Variants in RNF112 observed in about 807,000 individuals in gnomAD.
RNF112 encodes brain finger protein.
A neutral mutation model predicts 64.7 loss-of-function variants in RNF112; 34 were observed. That is an observed-to-expected ratio of 0.53 (90% confidence interval 0.40 to 0.70). The LOEUF is 0.70. Among genes scored for constraint, RNF112 ranks in the 30% least tolerant of loss-of-function variants. The pLI, the probability that RNF112 is intolerant of heterozygous loss-of-function variation, is 0.00. For synonymous variants in RNF112, 345 were observed against 344.5 expected (o/e 1.00, Z -0.02); for missense variants, 734 against 850.0 (o/e 0.86, Z 1.70).
rs1413376746 is a variant in RNF112, at chr17:19,415,133, T to C, written c.1222T>C (p.Trp408Arg). 2 of 1,609,496 alleles carry C rather than the reference T, an allele frequency of 1.2e-6. 1 individual carries two copies. The highest frequency in any genetic ancestry group is 2.2e-5 in the South Asian group (2 of 90,758). The change falls in exon 11 of 14, where the codon TGG (tryptophan) becomes CGG (arginine). Residue 408 changes from tryptophan (W) to arginine (R), a missense_variant. Transcript: ENST00000461366. The surrounding 1 kb of genome is among the most constrained non-coding windows in gnomAD (Gnocchi z 7.8). The part of the protein sequence containing the change: ...QHAKSRCQGY[W>R]NEGRAVARGD... ...CGCTAAGAGCCGCTGCCAGGGGTAC[T>C]GGAACGAGGGGCGCGCCGTGGCCAG...
Position 19,415,611 on chromosome 17 carries a change from C to A in RNF112, c.1425+19C>A, listed in dbSNP as rs772474670. On this transcript the variant is annotated intron_variant, in intron 13 of 13. Coordinates refer to ENST00000461366, the MANE Select transcript of RNF112 (RefSeq NM_007148.5). The surrounding 1 kb of genome is among the most constrained non-coding windows in gnomAD (Gnocchi z 7.8). ...GCAGCAGGTGAGCCCCGGGGCTGCA[C>A]GGGAGGCAGGTGTGGGCCGGGCAGG... 32 of 1,610,002 alleles carry A rather than the reference C, an allele frequency of 2.0e-5. No individual in the cohort carries two copies. In the East Asian group the frequency reaches 6.9e-4, roughly 35 times the overall value.
chr17:19,414,957 A>G (rs1913814645), intron 10 of RNF112, 70 bp downstream of exon 10: 1 of 1,592,994 alleles, frequency 6.3e-7, no homozygotes, highest in South Asian at 1.1e-5. Context: ...GAGCCCCTTG[A>G]AGCACCCACC....
At chr17:19,414,173 C>T in intron 7 of RNF112, 28 bp downstream of exon 7, 4 of 1,573,218 alleles carry the variant, frequency 2.5e-6, no homozygotes, top group Non-Finnish European at 3.5e-6. Flanking sequence ...GTTGGGGCAT[C>T]CCCCACCCCC....
rs1396750974 is a variant in RNF112, at chr17:19,412,183, A to G, written c.96-315A>G. ...AAATTGAGGCCCAGAGAGGGGAAGG[A>G]ACTTGCTTGCATTTGCATGGCTGGG... On this transcript the variant is annotated intron_variant, in intron 2 of 13. Coordinates refer to ENST00000461366, the MANE Select transcript of RNF112 (RefSeq NM_007148.5). This position sits in a 1 kb window ranked among gnomAD's most constrained non-coding sequence, Gnocchi z 5.1. Among the ~76,000 whole-genome samples the G allele has an allele frequency of 6.6e-6, 1 of 152,134 alleles. No individual in the cohort carries two copies. Among genetic ancestry groups the G allele is most frequent in the Non-Finnish European group, 1.5e-5 (1 of 68,020 alleles).
rs1177153964 is a variant in RNF112, at chr17:19,417,067, G to A, written c.*892G>A. The A allele has an allele frequency of 6.6e-6, 1 of 151,954 alleles. No individual in the cohort carries two copies. The highest frequency in any genetic ancestry group is 6.6e-5 in the Admixed American group (1 of 15,228). 9.4% of individuals were successfully genotyped at this position (151,954 alleles called of 1,614,324 possible). A position where few individuals can be genotyped will look rare whatever the true frequency, so the allele number is the denominator to read the frequency against. ...CTTAAACACATCCTTTCTCCCCTGG[G>A]CTTGTAAGAAGATGCAGCTTGATGC... On this transcript the variant is annotated 3_prime_UTR_variant, in exon 14 of 14. Coordinates refer to ENST00000461366, the MANE Select transcript of RNF112 (RefSeq NM_007148.5).
In RNF112 at chr17:19,412,982, C is replaced by A; in HGVS notation, c.426C>A (p.Ile142=). 6.2e-7 allele frequency: 1 copy of A among 1,608,576 alleles called. No individual in the cohort carries two copies. ...CGGAGCCGCTGCTGCTGGTTCGCAT[C>A]AATGCCTCTGGGGGCCTCATCCTTA... The part of the protein sequence containing the change: ...VRAEPLLLVR[I]NASGGLILRM... Residue 142 remains isoleucine (I), a synonymous_variant, in exon 4 of 14, where the codon ATC becomes ATA. Transcript: ENST00000461366. The surrounding 1 kb of genome is among the most constrained non-coding windows in gnomAD (Gnocchi z 5.1).
chr17:19,413,783 C>T lies in RNF112; in HGVS notation c.825+102C>T, dbSNP rs1913767149. 2 of 889,868 alleles carry T rather than the reference C, an allele frequency of 2.2e-6. No homozygotes were observed. The highest frequency in any genetic ancestry group is 3.3e-5 in the South Asian group (2 of 61,088). 55.1% of individuals were successfully genotyped at this position (889,868 alleles called of 1,614,324 possible). A position where few individuals can be genotyped will look rare whatever the true frequency, so the allele number is the denominator to read the frequency against. On this transcript the variant is annotated intron_variant, in intron 6 of 13. Coordinates refer to ENST00000461366, the MANE Select transcript of RNF112 (RefSeq NM_007148.5). This position sits in a 1 kb window ranked among gnomAD's most constrained non-coding sequence, Gnocchi z 5.9. ...CTCACAGGCTTTGGTGTCTGGGGTC[C>T]TGATAGGTTCTGGGGCTGCCTTAGA...
intron 7 of RNF112, 110 bp from the exon 8 acceptor site, chr17:19,414,338 AG>A: frequency 1.5e-6 from 2 of 1,352,660 alleles, no homozygotes; most frequent in Non-Finnish European, 2.1e-6. Context: ...AGGCTGCAAA[AG>A]GGGGAGCCTA....
In RNF112 at chr17:19,415,426, G is replaced by A; in HGVS notation, c.1350+87G>A. 1.3e-6 allele frequency: 2 copies of A among 1,545,448 alleles called. No homozygotes were observed. Among genetic ancestry groups the A allele is most frequent in the Admixed American group, 2.0e-5 (1 of 50,794 alleles). ...CTGTGCCGAGGCCTCCGGGGTGGGG[G>A]TCTGTGTGCCCTGGGAGTGGAGATG... On this transcript the variant is annotated intron_variant, in intron 12 of 13. Coordinates refer to ENST00000461366, the MANE Select transcript of RNF112 (RefSeq NM_007148.5). The surrounding 1 kb of genome is among the most constrained non-coding windows in gnomAD (Gnocchi z 7.8).
At position 19,413,714 on chromosome 17, in the gene RNF112, C is replaced by T; in HGVS notation, c.825+33C>T. On this transcript the variant is annotated intron_variant, in intron 6 of 13. Coordinates refer to ENST00000461366, the MANE Select transcript of RNF112 (RefSeq NM_007148.5). The surrounding 1 kb of genome is among the most constrained non-coding windows in gnomAD (Gnocchi z 5.9). ...GGGGCGCTGATGTTGGCATCCCCACCCCACACACCCTTCTCCAGCTCAGCT... is the reference window on the plus strand; with the variant it reads ...GGGGCGCTGATGTTGGCATCCCCACTCCACACACCCTTCTCCAGCTCAGCT... 6.8e-7 allele frequency: 1 copy of T among 1,460,396 alleles called. No individual in the cohort carries two copies. The allele number at this position is 1,460,396 out of a possible 1,614,324, so 90.5% of individuals were successfully genotyped here.
rs1258183265 is a variant in RNF112, at chr17:19,415,950, G to A, written c.1671G>A (p.Gly557=). The change falls in exon 14 of 14, where the codon GGG becomes GGA. Residue 557 remains glycine, a synonymous_variant. Transcript: ENST00000461366. This position sits in a 1 kb window ranked among gnomAD's most constrained non-coding sequence, Gnocchi z 7.8. ...CTGTGGGGGGTGCTGTGGGGGCCGG[G>A]CTCATGGGCCTGGCAGGGGGCGTGG... The part of the protein sequence containing the change: ...LAAVGGAVGA[G]LMGLAGGVVG... 1 of 1,601,312 alleles carries A rather than the reference G, an allele frequency of 6.2e-7. No individual in the cohort carries two copies. The highest frequency in any genetic ancestry group is 8.5e-7 in the Non-Finnish European group (1 of 1,174,406).
In RNF112 at chr17:19,414,905, C is replaced by A. The variant is rs562162857; in HGVS notation, c.1126+18C>A. ...CCCTGGTGGTGAGTGTCTCTGAGAG[C>A]TGAACCTCTCTTGCGCTGCTCCCAG... On this transcript the variant is annotated intron_variant, in intron 10 of 13. Coordinates refer to ENST00000461366, the MANE Select transcript of RNF112 (RefSeq NM_007148.5). 1.2e-6 allele frequency: 2 copies of A among 1,610,588 alleles called. No individual in the cohort carries two copies. The highest frequency in any genetic ancestry group is 2.2e-5 in the South Asian group (2 of 90,976).
Position 19,411,372 on chromosome 17 carries a change from C to G in RNF112, c.-37C>G. On this transcript the variant is annotated 5_prime_UTR_variant, in exon 1 of 14. Transcript: ENST00000461366. ...CTGGTTGAAGGTCTCGGGGCCTCCC[C>G]CTCTGCATCCGGACCCTCTCCCCAT... is the stretch of plus-strand genomic sequence containing the variant. The G allele has an allele frequency of 1.9e-6, 3 of 1,601,306 alleles. No individual in the cohort carries two copies. The highest frequency in any genetic ancestry group is 2.2e-5 in the South Asian group (2 of 89,248).
chr17:19,411,443 G>A lies in RNF112; in HGVS notation c.35G>A (p.Cys12Tyr), dbSNP rs1329003128. 4 of 1,606,674 alleles carry A rather than the reference G, an allele frequency of 2.5e-6. No individual in the cohort carries two copies. The South Asian group carries it at 4.4e-5, about 18-fold the overall frequency. The change falls in exon 1 of 14, where the codon TGT becomes TAT. Residue 12 changes from cysteine (C) to tyrosine (Y), a missense_variant. Transcript: ENST00000461366. ...CCCGCCTTGTCAGTCACTTCCTTTT[G>A]TCATCGGCTTGGCAAACGGGCAAGT... The part of the protein sequence containing the change: ...PRPALSVTSF[C>Y]HRLGKRERKQ...
Position 19,412,040 on chromosome 17 carries a change from G to T in RNF112, c.95+370G>T, listed in dbSNP as rs1272035650. Among the ~76,000 whole-genome samples, 1 of 152,206 alleles carries T rather than the reference G, an allele frequency of 6.6e-6. No individual in the cohort carries two copies. Among genetic ancestry groups the T allele is most frequent in the Non-Finnish European group, 1.5e-5 (1 of 68,030 alleles). ...GCCCCGCTGTAGAACGCCGGGAGAG[G>T]CTCTTCCCAAGCATTTGCACCAGGC... is the stretch of plus-strand genomic sequence containing the variant. On this transcript the variant is annotated intron_variant, in intron 2 of 13. Coordinates refer to ENST00000461366, the MANE Select transcript of RNF112 (RefSeq NM_007148.5). This position sits in a 1 kb window ranked among gnomAD's most constrained non-coding sequence, Gnocchi z 5.1.
Position 19,413,775 on chromosome 17 carries a change from C to G in RNF112, c.825+94C>G. ...CAGAGCATCTCACAGGCTTTGGTGT[C>G]TGGGGTCCTGATAGGTTCTGGGGCT... On this transcript the variant is annotated intron_variant, in intron 6 of 13. Transcript: ENST00000461366. This position sits in a 1 kb window ranked among gnomAD's most constrained non-coding sequence, Gnocchi z 5.9. The G allele has an allele frequency of 2.1e-6, 2 of 973,746 alleles. No individual in the cohort carries two copies. Among genetic ancestry groups the G allele is most frequent in the South Asian group, 1.6e-5 (1 of 63,606 alleles). 60.3% of individuals were successfully genotyped at this position (973,746 alleles called of 1,614,324 possible). A position where few individuals can be genotyped will look rare whatever the true frequency, so the allele number is the denominator to read the frequency against.
rs751994350 is a variant in RNF112, at chr17:19,414,573, C to T, written c.934-13C>T. ...ACCCCCATTTGCTGGTGTCAGGACC[C>T]CTTCTCTTTCAGCATCTGGACCTCT... On this transcript the variant is annotated splice_polypyrimidine_tract_variant and intron_variant, in intron 8 of 13. Coordinates refer to ENST00000461366, the MANE Select transcript of RNF112 (RefSeq NM_007148.5). 14 of 1,613,834 alleles carry T rather than the reference C, an allele frequency of 8.7e-6. No homozygotes were observed. The highest frequency in any genetic ancestry group is 1.1e-5 in the Non-Finnish European group (13 of 1,179,868).
At position 19,417,131 on chromosome 17, in the gene RNF112, C is replaced by A. The variant is rs2072118; in HGVS notation, c.*956C>A. 1 of 152,060 alleles carries A rather than the reference C, an allele frequency of 6.6e-6. No homozygotes were observed. The highest frequency in any genetic ancestry group is 2.4e-5 in the African/African-American group (1 of 41,332). The allele number at this position is 152,060 out of a possible 1,614,324, so 9.4% of individuals were successfully genotyped here. On this transcript the variant is annotated 3_prime_UTR_variant, in exon 14 of 14. Coordinates refer to ENST00000461366, the MANE Select transcript of RNF112 (RefSeq NM_007148.5). The stretch of plus-strand genomic sequence containing the variant: ...CCAGGCCCCCTGGGAACTGGGGGTG[C>A]GGGAGTTCTCCCTCTGGGGGACAGA...
rs751275068 is a variant in RNF112, at chr17:19,416,118, G to A, written c.1839G>A (p.Lys613=). The change falls in exon 14 of 14, where the codon AAG becomes AAA. Residue 613 remains lysine, a synonymous_variant. Coordinates refer to ENST00000461366, the MANE Select transcript of RNF112 (RefSeq NM_007148.5). ...GLAATVGCME[K]EEDERLLEGD... The stretch of plus-strand genomic sequence containing the variant: ...CTGCCACAGTGGGCTGCATGGAGAA[G>A]GAGGAGGATGAGAGGCTTCTGGAAG... The A allele has an allele frequency of 6.3e-6, 10 of 1,582,202 alleles. No homozygotes were observed. Among genetic ancestry groups the A allele is most frequent in the Admixed American group, 1.8e-5 (1 of 54,772 alleles).
Sources: allele counts gnomAD v4.1 joint callset (sites outside exome capture counted in the v4.1 genomes callset), GRCh38; gene constraint gnomAD v4.1.1; non-coding constraint Gnocchi (gnomAD v3.1); transcripts MANE v1.5; gene names NCBI Gene and HGNC (gene_info 2026-07-23, HGNC 2026-07-21).